Variants in LIN52 observed in about 807,000 individuals in gnomAD.
LIN52 encodes lin-52 DREAM MuvB core complex component, also known as protein lin-52 homolog.
LIN52 carries 4 observed loss-of-function variants against 18.5 expected under a neutral mutation model. The ratio of observed to expected loss-of-function variants is 0.22; its 90% confidence interval spans 0.11 to 0.49. The LOEUF (loss-of-function observed/expected upper bound fraction) is 0.49. Ranked by LOEUF, LIN52 falls within the 20% of genes least tolerant of loss-of-function variation. The pLI, the probability that LIN52 is intolerant of heterozygous loss-of-function variation, is 0.97. For missense variants in LIN52, 102 were observed against 139.5 expected, an observed-to-expected ratio of 0.73 and a Z score of 1.35; for synonymous variants, 34 against 45.5, an observed-to-expected ratio of 0.75 and a Z score of 1.02.
At chr14:74,174,063 T>C (rs566696483) in intron 5 of LIN52, among the ~76,000 whole-genome samples, 4 of 152,322 alleles carry the variant, frequency 2.6e-5, no homozygotes, top group Non-Finnish European at 4.4e-5. Context: ...GAAGGTCTTT[T>C]TATATCTCTG....
chr14:74,119,967 C>G (rs1288196534), intron 5 of LIN52, among the ~76,000 whole-genome samples: 2 of 151,912 alleles, frequency 1.3e-5, no homozygotes, highest in East Asian at 3.9e-4. Context: ...TCCCAAGTAG[C>G]TGGAATTACA....
At chr14:74,177,024 G>T (rs554584501) in intron 5 of LIN52, among the ~76,000 whole-genome samples, 1 of 150,644 alleles carries the variant, frequency 6.6e-6, no homozygotes, top group African/African-American at 2.4e-5. Context: ...TTGAGACTGA[G>T]TTTCCCTCTT....
At chr14:74,114,113 T>C in intron 5 of LIN52, 1 of 984,248 alleles carries the variant, frequency 1.0e-6, no homozygotes, top group Non-Finnish European at 1.2e-6. Flanking sequence ...CCCAAGTAGC[T>C]GGGACTACAG....
chr14:74,192,601 T>C (rs2078885852), intron 5 of LIN52: 1 of 208,266 alleles, frequency 4.8e-6, no homozygotes, highest in South Asian at 7.2e-5. Flanking sequence ...AGTGGTCATA[T>C]TAATTTGAAG....
At chr14:74,150,966 G>A (rs530842750) in intron 5 of LIN52, among the ~76,000 whole-genome samples, 2 of 152,222 alleles carry the variant, frequency 1.3e-5, no homozygotes, top group Admixed American at 6.5e-5. Context: ...AATTGTTTTC[G>A]AAGATATTTT....
chr14:74,092,550 C>T (rs2060779821), intron 2 of LIN52, among the ~76,000 whole-genome samples: 1 of 151,622 alleles, frequency 6.6e-6, no homozygotes, highest in Non-Finnish European at 1.5e-5. Flanking sequence ...AGGTGATCCA[C>T]CCACCTCGGC....
At chr14:74,131,423 A>G (rs1326608805) in intron 5 of LIN52, among the ~76,000 whole-genome samples, 3 of 150,764 alleles carry the variant, frequency 2.0e-5, no homozygotes, top group African/African-American at 7.3e-5. Context: ...GGTTCAAGCG[A>G]TTCTCCTGCC....
intron 5 of LIN52, among the ~76,000 whole-genome samples, chr14:74,195,535 T>G (rs1405750756): frequency 9.3e-6 from 1 of 107,062 alleles, no homozygotes; most frequent in Non-Finnish European, 1.9e-5. Context: ...CTAGAAGAGG[T>G]GTGTGTGGGT....
At chr14:74,114,175 AGTGTGTGTGTGTGT>A (rs55840907) in intron 5 of LIN52, 13 of 941,310 alleles carry the variant, frequency 1.4e-5, no homozygotes, top group Admixed American at 1.3e-4. Flanking sequence ...AACTGAGATT[AGTGTGTGTGTGTGT>A]GTGTGTGTGT....
At chr14:74,092,079 T>C (rs962134327) in intron 2 of LIN52, among the ~76,000 whole-genome samples, 6 of 151,944 alleles carry the variant, frequency 3.9e-5, no homozygotes, top group African/African-American at 1.4e-4. Flanking sequence ...CAAGCGATTG[T>C]CCTGCCTCAG....
chr14:74,158,121 A>AT (rs370452421), intron 5 of LIN52, among the ~76,000 whole-genome samples: 1,625 of 141,184 alleles, frequency 0.012, 11 homozygotes, highest in Non-Finnish European at 0.017. Context: ...ATATATATAT[A>AT]TATATTTTTT....
intron 5 of LIN52, among the ~76,000 whole-genome samples, chr14:74,182,479 G>C (rs929469378): frequency 1.3e-4 from 20 of 152,136 alleles, no homozygotes; most frequent in Middle Eastern, 3.4e-3. Context: ...AAGTAATGTA[G>C]ATGCTGATTT....
At chr14:74,102,983 C>T (rs1392184506) in intron 5 of LIN52, among the ~76,000 whole-genome samples, 2 of 152,186 alleles carry the variant, frequency 1.3e-5, no homozygotes, top group East Asian at 3.8e-4. Flanking sequence ...TTTCCTGTAG[C>T]TACTTTAAAG....
intron 5 of LIN52, among the ~76,000 whole-genome samples, chr14:74,179,749 AC>A (rs1030913346): frequency 6.6e-6 from 1 of 151,678 alleles, no homozygotes; most frequent in African/African-American, 2.4e-5. Flanking sequence ...TCTAAAAGAC[AC>A]CCCCCTTGTG....
At chr14:74,118,872 T>C (rs1288530175) in intron 5 of LIN52, among the ~76,000 whole-genome samples, 5 of 152,246 alleles carry the variant, frequency 3.3e-5, no homozygotes, top group Admixed American at 2.6e-4. Flanking sequence ...CTGTGACTTA[T>C]ACTATCATAG....
chr14:74,156,924 AT>A (rs1247066473), intron 5 of LIN52, among the ~76,000 whole-genome samples: 1 of 152,050 alleles, frequency 6.6e-6, no homozygotes, highest in Non-Finnish European at 1.5e-5. Flanking sequence ...GGCTTATTGC[AT>A]TTAACTTAAT....
At chr14:74,184,700 G>A (rs572310894) in intron 5 of LIN52, among the ~76,000 whole-genome samples, 2 of 152,156 alleles carry the variant, frequency 1.3e-5, no homozygotes, top group Non-Finnish European at 2.9e-5. Flanking sequence ...GTTCAAAGAA[G>A]AATGGCAGAA....
chr14:74,176,227 A>G (rs139762705), intron 5 of LIN52, among the ~76,000 whole-genome samples: 2,019 of 152,164 alleles, frequency 0.013, 43 homozygotes, highest in African/African-American at 0.045. Flanking sequence ...CAGTGGCGCA[A>G]TCTCGGCTCA....
intron 5 of LIN52, among the ~76,000 whole-genome samples, chr14:74,152,899 G>T (rs1437794358): frequency 1.4e-5 from 2 of 146,952 alleles, no homozygotes; most frequent in Non-Finnish European, 3.0e-5. Context: ...GGCAGAGGTT[G>T]CAGTGAGCTG....
Sources: allele counts gnomAD v4.1 joint callset (sites outside exome capture counted in the v4.1 genomes callset), GRCh38; gene constraint gnomAD v4.1.1; transcripts MANE v1.5; gene names NCBI Gene and HGNC (gene_info 2026-07-23, HGNC 2026-07-21).